The following DIP2C variants were observed in gnomAD, a reference collection of about 807,000 sequenced individuals.
The protein encoded by DIP2C is DIP2 acetate--CoA ligase C (putative).
Under a neutral mutation model 192.4 loss-of-function variants are expected in DIP2C, and 33 were observed. The ratio of observed to expected loss-of-function variants is 0.17; its 90% CI spans 0.13 to 0.23. The LOEUF (loss-of-function observed/expected upper bound fraction) is 0.23, where lower values mean the gene tolerates loss of function less well. DIP2C is among the 10% of genes least tolerant of loss of function. The pLI, the probability that DIP2C is intolerant of heterozygous loss-of-function variation, is 1.00. For missense variants in DIP2C, 1,537 were observed against 2,110.1 expected, an observed-to-expected ratio of 0.73 and a Z score of 5.32; for synonymous variants, 979 against 864.1, an observed-to-expected ratio of 1.13 and a Z score of -2.33.
At chr10:350,083 G>GA (rs1173705607) in intron 24 of DIP2C, among the ~76,000 whole-genome samples, 8 of 152,168 alleles carry the variant, frequency 5.3e-5, no homozygotes, top group Non-Finnish European at 1.0e-4. Flanking sequence ...AACATCGCAA[G>GA]AGTGTGGGAT....
At chr10:454,889 G>C (rs991973842) in intron 3 of DIP2C, among the ~76,000 whole-genome samples, 2 of 152,152 alleles carry the variant, frequency 1.3e-5, no homozygotes. Context: ...TAGTATTCTA[G>C]ATTACTATGT....
rs549705940 is a variant in DIP2C at position 469,286 on chromosome 10, T to C, written c.268+3153A>G. 2.6e-5 allele frequency among the ~76,000 whole-genome samples: 4 copies of C among 151,934 alleles called. No homozygotes were observed. The South Asian group carries it at 8.3e-4, about 32-fold the overall frequency. On this transcript the variant is annotated intron_variant, in intron 3 of 36. Transcript: ENST00000280886. ...TTCAGGTCCTATTGCTATTATCTTTTGAGCATTTCTCAAATCTCACTGGTA... is the reference window on the plus strand; with the variant it reads ...TTCAGGTCCTATTGCTATTATCTTTCGAGCATTTCTCAAATCTCACTGGTA...
chr10:404,166 AT>A (rs1291820163), intron 9 of DIP2C, among the ~76,000 whole-genome samples: 1 of 150,602 alleles, frequency 6.6e-6, no homozygotes, highest in East Asian at 1.9e-4. Flanking sequence ...CGTGAATCCT[AT>A]GATTTAGCAC....
At chr10:474,079 A>G (rs1267171767) in intron 2 of DIP2C, among the ~76,000 whole-genome samples, 1 of 152,220 alleles carries the variant, frequency 6.6e-6, no homozygotes, top group Non-Finnish European at 1.5e-5. Context: ...ATCATCTACA[A>G]CTGATCTTTT....
intron 32 of DIP2C, among the ~76,000 whole-genome samples, chr10:290,128 G>A (rs979564013): frequency 2.0e-5 from 3 of 152,224 alleles, no homozygotes; most frequent in African/African-American, 7.2e-5. Context: ...ATCAGCAGGA[G>A]TCTGATGAGG....
intron 29 of DIP2C, among the ~76,000 whole-genome samples, chr10:330,632 G>C (rs1298807563): frequency 6.7e-6 from 1 of 149,130 alleles, no homozygotes; most frequent in African/African-American, 2.5e-5. Flanking sequence ...AGGACCACAG[G>C]TGTGCACCAC....
intron 1 of DIP2C, among the ~76,000 whole-genome samples, chr10:558,828 T>G (rs1412071930): frequency 6.6e-6 from 1 of 152,182 alleles, no homozygotes; most frequent in East Asian, 1.9e-4. Context: ...AATGGCAATG[T>G]CAGTGAATCT....
At chr10:644,286 G>T (rs548926403) in intron 1 of DIP2C, among the ~76,000 whole-genome samples, 1 of 152,222 alleles carries the variant, frequency 6.6e-6, no homozygotes, top group Non-Finnish European at 1.5e-5. Flanking sequence ...GAGCTGTCCC[G>T]CCAGCCTCTG....
intron 1 of DIP2C, among the ~76,000 whole-genome samples, chr10:579,435 A>G (rs573221592): frequency 1.5e-4 from 23 of 152,004 alleles, no homozygotes; most frequent in Admixed American, 9.2e-4. Flanking sequence ...TAGGTACACT[A>G]TAACACATGT....
At chr10:380,987 T>G (rs1962319291) in intron 17 of DIP2C, among the ~76,000 whole-genome samples, 1 of 152,164 alleles carries the variant, frequency 6.6e-6, no homozygotes, top group Non-Finnish European at 1.5e-5. Flanking sequence ...TGTTCACACA[T>G]TCAGAAAACA....
chr10:548,201 C>A (rs1216289046), intron 1 of DIP2C, among the ~76,000 whole-genome samples: 1 of 78,888 alleles, frequency 1.3e-5, no homozygotes, highest in Non-Finnish European at 2.8e-5. Context: ...TCACACGAGT[C>A]TGCCCCACCC....
intron 1 of DIP2C, among the ~76,000 whole-genome samples, chr10:657,742 A>C (rs374230169): frequency 0.91 from 110,693 of 121,794 alleles, 50,651 homozygotes; most frequent in South Asian, 0.97. Flanking sequence ...GCTGGACCTG[A>C]CACTGGACCT....
intron 1 of DIP2C, among the ~76,000 whole-genome samples, chr10:508,587 T>A (rs1845789310): frequency 3.3e-5 from 5 of 152,152 alleles, no homozygotes; most frequent in South Asian, 4.1e-4. Flanking sequence ...CACTCAATGG[T>A]CTGGTCCAGG....
At chr10:473,394 C>T (rs545010747) in intron 2 of DIP2C, among the ~76,000 whole-genome samples, 1 of 152,190 alleles carries the variant, frequency 6.6e-6, no homozygotes, top group African/African-American at 2.4e-5. Flanking sequence ...GGACATCATC[C>T]TATGTCATCC....
chr10:579,503 G>A (rs1356005492), intron 1 of DIP2C, among the ~76,000 whole-genome samples: 1 of 150,632 alleles, frequency 6.6e-6, no homozygotes, highest in East Asian at 2.0e-4. Flanking sequence ...AGTGCACTAT[G>A]TGTGTACATG....
intron 1 of DIP2C, among the ~76,000 whole-genome samples, chr10:495,291 G>A (rs77167087): frequency 0.016 from 2,429 of 152,244 alleles, 67 homozygotes; most frequent in African/African-American, 0.055. Flanking sequence ...TCTGGAGATC[G>A]AATGTACAGT....
At chr10:564,712 CA>C (rs1849372901) in intron 1 of DIP2C, among the ~76,000 whole-genome samples, 1 of 152,148 alleles carries the variant, frequency 6.6e-6, no homozygotes, top group Admixed American at 6.5e-5. Flanking sequence ...CCGAAGCATT[CA>C]GCATAGCGTC....
chr10:326,853 CAG>C (rs762738726), intron 31 of DIP2C, among the ~76,000 whole-genome samples, 151 bp downstream of exon 31: 30 of 152,152 alleles, frequency 2.0e-4, no homozygotes, highest in Non-Finnish European at 3.1e-4. Flanking sequence ...TTTAAAGAAA[CAG>C]AGATCTGCAC....
chr10:589,877 C>T (rs997074152), intron 1 of DIP2C, among the ~76,000 whole-genome samples: 1 of 152,118 alleles, frequency 6.6e-6, no homozygotes, highest in Non-Finnish European at 1.5e-5. Flanking sequence ...CAACATGAGA[C>T]CAATGTAGCC....
Sources: allele counts gnomAD v4.1 joint callset (sites outside exome capture counted in the v4.1 genomes callset), GRCh38; gene constraint gnomAD v4.1.1; transcripts MANE v1.5; gene names NCBI Gene and HGNC (gene_info 2026-07-23, HGNC 2026-07-21).